The following KIAA1958 variants were observed in gnomAD, a reference collection of about 807,000 sequenced individuals.
The protein encoded by KIAA1958 is uncharacterized protein KIAA1958.
A neutral mutation model predicts 47.2 loss-of-function variants in KIAA1958; 14 were observed. The ratio of observed to expected loss-of-function variants is 0.30; its 90% CI spans 0.20 to 0.46. The LOEUF (loss-of-function observed/expected upper bound fraction) is 0.46, where lower values mean the gene tolerates loss of function less well. KIAA1958 is among the 20% of genes least tolerant of loss of function. The probability of loss-of-function intolerance (pLI) is 1.00; values close to 1 mark genes in which losing one functional copy is unlikely to be tolerated. For missense variants in KIAA1958, 803 were observed against 909.2 expected (o/e 0.88, Z 1.50); for synonymous variants, 354 against 353.3 (o/e 1.00, Z -0.02).
chr9:112,500,153 G>A (rs1834110165), intron 1 of KIAA1958, among the ~76,000 whole-genome samples: 1 of 151,930 alleles, frequency 6.6e-6, no homozygotes. Context: ...CGAGCCTGGA[G>A]TGCAGTGGTG....
chr9:112,537,641 A>G (rs553391416), intron 1 of KIAA1958, among the ~76,000 whole-genome samples: 2 of 152,342 alleles, frequency 1.3e-5, no homozygotes, highest in Admixed American at 6.5e-5. Context: ...ATCTGATGAT[A>G]TGCAAGGTTG....
intron 1 of KIAA1958, among the ~76,000 whole-genome samples, chr9:112,518,391 A>G (rs1160159360): frequency 1.3e-5 from 2 of 152,224 alleles, no homozygotes; most frequent in Non-Finnish European, 2.9e-5. Flanking sequence ...AATAAAAAGA[A>G]TGAACTATTG....
chr9:112,624,850 T>TA (rs1430765694), intron 2 of KIAA1958, among the ~76,000 whole-genome samples: 1 of 152,174 alleles, frequency 6.6e-6, no homozygotes, highest in Non-Finnish European at 1.5e-5. Context: ...TTATTAGTCA[T>TA]AGAGGCTAGA....
intron 2 of KIAA1958, among the ~76,000 whole-genome samples, chr9:112,620,736 C>A (rs1022138203): frequency 2.0e-5 from 3 of 151,538 alleles, no homozygotes; most frequent in Non-Finnish European, 2.9e-5. Flanking sequence ...TGCATGCCAG[C>A]ACTGTGCTAA....
At chr9:112,507,320 AACTG>A (rs1388274423) in intron 1 of KIAA1958, among the ~76,000 whole-genome samples, 3 of 152,142 alleles carry the variant, frequency 2.0e-5, no homozygotes, top group East Asian at 1.9e-4. Flanking sequence ...AGATGTGTGG[AACTG>A]ACTGAGTATT....
At chr9:112,614,712 A>G (rs1030338712) in intron 2 of KIAA1958, among the ~76,000 whole-genome samples, 24 of 152,306 alleles carry the variant, frequency 1.6e-4, no homozygotes, top group Non-Finnish European at 3.2e-4. Context: ...TTTCCTGCAG[A>G]TGGAATGGCT....
chr9:112,655,872 G>T (rs1837141987), intron 3 of KIAA1958, among the ~76,000 whole-genome samples: 2 of 152,112 alleles, frequency 1.3e-5, no homozygotes, highest in South Asian at 4.1e-4. Context: ...GGATCTCCAG[G>T]CCTGGTTTCT....
intron 3 of KIAA1958, among the ~76,000 whole-genome samples, chr9:112,657,557 G>A (rs1400538): frequency 0.41 from 62,658 of 151,840 alleles, 14,054 homozygotes; most frequent in East Asian, 0.62. Flanking sequence ...TAATGTTTTC[G>A]GTTCGGTTAA....
At chr9:112,630,204 A>G (rs368231210) in intron 2 of KIAA1958, among the ~76,000 whole-genome samples, 133 of 152,298 alleles carry the variant, frequency 8.7e-4, no homozygotes, top group African/African-American at 3.1e-3. Context: ...GGCTTCCTGG[A>G]GCCCCAAGCC....
intron 1 of KIAA1958, among the ~76,000 whole-genome samples, chr9:112,573,460 T>A (rs1410307898): frequency 1.3e-5 from 2 of 152,176 alleles, no homozygotes; most frequent in African/African-American, 4.8e-5. Context: ...TGCTTTTCTT[T>A]CCCACTTCTC....
chr9:112,524,591 A>G (rs770016567), intron 1 of KIAA1958, among the ~76,000 whole-genome samples: 1 of 152,216 alleles, frequency 6.6e-6, no homozygotes, highest in Non-Finnish European at 1.5e-5. Flanking sequence ...AAAAGTGAGA[A>G]TTCTTCTTTC....
At chr9:112,497,288 T>C (rs750196224) in intron 1 of KIAA1958, among the ~76,000 whole-genome samples, 9 of 152,130 alleles carry the variant, frequency 5.9e-5, no homozygotes, top group Non-Finnish European at 1.3e-4. Context: ...AAAAAGGTGA[T>C]TAAGTTAGGA....
Position 112,618,222 on chromosome 9 carries a change from A to G in KIAA1958, c.1172-27428A>G, listed in dbSNP as rs1421284834. The G allele has an allele frequency of 1.3e-6, 2 of 1,550,570 alleles. No homozygotes were observed. The highest frequency in any genetic ancestry group is 1.7e-6 in the Non-Finnish European group (2 of 1,147,030). On this transcript the variant is annotated intron_variant, in intron 2 of 3. Transcript: ENST00000337530. This position sits in a 1 kb window ranked among gnomAD's most constrained non-coding sequence, Gnocchi z 7.1. ...CAGAAGCAAATTGAACTCCGCTGTAAAGGAAAAGGAAATAAGCCACACAAG... is the reference window on the plus strand; with the variant it reads ...CAGAAGCAAATTGAACTCCGCTGTAGAGGAAAAGGAAATAAGCCACACAAG...
intron 2 of KIAA1958, among the ~76,000 whole-genome samples, chr9:112,638,846 C>T (rs1440439869): frequency 6.6e-6 from 1 of 151,840 alleles, no homozygotes; most frequent in African/African-American, 2.4e-5. Flanking sequence ...TTCTATTGAC[C>T]TTTCAGTTCA....
intron 2 of KIAA1958, among the ~76,000 whole-genome samples, chr9:112,583,708 A>G (rs1835773169): frequency 6.6e-6 from 1 of 152,186 alleles, no homozygotes; most frequent in Admixed American, 6.5e-5. Context: ...ATATTAGAGT[A>G]ATACCATACC....
In KIAA1958 at chr9:112,534,839, C is replaced by T. The variant is rs186358285; in HGVS notation, c.-24-39218C>T. On this transcript the variant is annotated intron_variant, in intron 1 of 3. Coordinates refer to ENST00000337530, the MANE Select transcript of KIAA1958 (RefSeq NM_133465.4). ...GATTACAGGCGTGAGCCACTGTGCC[C>T]GGCCAATCTTTTTCTTATTGATTTA... is the stretch of plus-strand genomic sequence containing the variant. Among the ~76,000 whole-genome samples the T allele has an allele frequency of 5.9e-5, 9 of 152,214 alleles. No homozygotes were observed. The East Asian group carries it at 7.7e-4, about 13-fold the overall frequency.
At chr9:112,511,103 G>A (rs1438055216) in intron 1 of KIAA1958, among the ~76,000 whole-genome samples, 1 of 152,188 alleles carries the variant, frequency 6.6e-6, no homozygotes, top group African/African-American at 2.4e-5. Flanking sequence ...TCCTCAGCAA[G>A]AGGGAGGATG....
chr9:112,643,388 A>G (rs1464679432), intron 2 of KIAA1958, among the ~76,000 whole-genome samples: 1 of 152,240 alleles, frequency 6.6e-6, no homozygotes, highest in African/African-American at 2.4e-5. Context: ...AACAGGAATA[A>G]CAAAGGGATT....
At chr9:112,592,562 TAGAG>T (rs1468568247) in intron 2 of KIAA1958, among the ~76,000 whole-genome samples, 3 of 152,198 alleles carry the variant, frequency 2.0e-5, no homozygotes, top group Non-Finnish European at 2.9e-5. Flanking sequence ...GTAAAGCACT[TAGAG>T]AGAAGTGCCT....
Sources: allele counts gnomAD v4.1 joint callset (sites outside exome capture counted in the v4.1 genomes callset), GRCh38; gene constraint gnomAD v4.1.1; non-coding constraint Gnocchi (gnomAD v3.1); transcripts MANE v1.5; gene names NCBI Gene and HGNC (gene_info 2026-07-23, HGNC 2026-07-21).